SUCLG2: variants seen among roughly 807,000 people sequenced by gnomAD.
SUCLG2 encodes the protein succinate--CoA ligase [GDP-forming] subunit beta, mitochondrial.
Under a neutral mutation model 47.9 loss-of-function variants are expected in SUCLG2, and 42 were observed. The observed-to-expected ratio is 0.88, with a 90% CI of 0.69 to 1.14. SUCLG2 has a LOEUF of 1.14. SUCLG2 is among the 50% of genes most tolerant of loss of function. The pLI is 0.00. For synonymous variants in SUCLG2, 195 were observed against 197.3 expected (o/e 0.99, Z 0.10); for missense variants, 571 against 525.9 (o/e 1.09, Z -0.84).
intron 1 of SUCLG2, among the ~76,000 whole-genome samples, chr3:67,618,855 G>C (rs1055288080): frequency 6.6e-6 from 1 of 152,166 alleles, no homozygotes; most frequent in African/African-American, 2.4e-5. Context: ...TGGATAGCTA[G>C]AGAAGAAAAG....
rs202075657 is a variant in SUCLG2, at chr3:67,587,317, G to GCT, written c.226+22137_226+22138insAG. 1.7e-3 allele frequency among the ~76,000 whole-genome samples: 263 copies of GCT among 152,268 alleles called. 2 individuals carry two copies. In the East Asian group the frequency reaches 0.036, roughly 21 times the overall value. ...TGTTTCTAGCCGTCTGATCTACCTG[G>GCT]AGACAAACAAGGCCAAGCTGGCTTG... On this transcript the variant is annotated intron_variant, in intron 2 of 10. Transcript: ENST00000307227.
At chr3:67,492,246 G>A (rs1705224863) in intron 9 of SUCLG2, among the ~76,000 whole-genome samples, 1 of 152,172 alleles carries the variant, frequency 6.6e-6, no homozygotes, top group African/African-American at 2.4e-5. Flanking sequence ...TTGGGGTCAT[G>A]GAGAGATTCG....
At chr3:67,597,155 A>G (rs1708311730) in intron 2 of SUCLG2, among the ~76,000 whole-genome samples, 1 of 152,214 alleles carries the variant, frequency 6.6e-6, no homozygotes, top group South Asian at 2.1e-4. Context: ...GGCATCAGAC[A>G]GGAGGATCAG....
chr3:67,494,855 T>C (rs1043744409), intron 9 of SUCLG2, among the ~76,000 whole-genome samples: 4 of 152,212 alleles, frequency 2.6e-5, no homozygotes, highest in Non-Finnish European at 4.4e-5. Context: ...CTAAACTAGC[T>C]GATTAAATAT....
chr3:67,535,722 A>G (rs1388363133), intron 2 of SUCLG2, among the ~76,000 whole-genome samples: 4 of 152,174 alleles, frequency 2.6e-5, no homozygotes, highest in Non-Finnish European at 5.9e-5. Context: ...TGGGACAAAC[A>G]GCTGGACACA....
At chr3:67,592,997 T>C (rs1406008735) in intron 2 of SUCLG2, among the ~76,000 whole-genome samples, 2 of 152,186 alleles carry the variant, frequency 1.3e-5, no homozygotes, top group Non-Finnish European at 2.9e-5. Context: ...AGGTAGCCAA[T>C]GAAGGCTATT....
chr3:67,584,293 C>T (rs1364984967), intron 2 of SUCLG2, among the ~76,000 whole-genome samples: 2 of 152,160 alleles, frequency 1.3e-5, no homozygotes, highest in Non-Finnish European at 2.9e-5. Flanking sequence ...GGAAGCTCGA[C>T]ACAAGAGACC....
chr3:67,371,207 G>A (rs1363486480), downstream of SUCLG2, among the ~76,000 whole-genome samples: 1 of 151,930 alleles, frequency 6.6e-6, no homozygotes, highest in Non-Finnish European at 1.5e-5. Flanking sequence ...ACACAAGGGA[G>A]GAACAAGAAC....
At chr3:67,574,320 C>T (rs1405162460) in intron 2 of SUCLG2, among the ~76,000 whole-genome samples, 6 of 152,162 alleles carry the variant, frequency 3.9e-5, no homozygotes, top group Non-Finnish European at 8.8e-5. Flanking sequence ...CCAGGGCTTA[C>T]GACATGGACG....
At chr3:67,468,776 G>A (rs1704534742) in intron 9 of SUCLG2, among the ~76,000 whole-genome samples, 1 of 152,156 alleles carries the variant, frequency 6.6e-6, no homozygotes, top group Non-Finnish European at 1.5e-5. Flanking sequence ...AAGCATGAGA[G>A]GTAGTGATAA....
At chr3:67,648,804 G>A (rs1701236804) in intron 1 of SUCLG2, among the ~76,000 whole-genome samples, 1 of 152,048 alleles carries the variant, frequency 6.6e-6, no homozygotes, top group African/African-American at 2.4e-5. Flanking sequence ...AACTTCTCCT[G>A]TTCCTTACCT....
intron 1 of SUCLG2, among the ~76,000 whole-genome samples, chr3:67,628,036 T>C (rs1264689311): frequency 6.6e-6 from 1 of 152,198 alleles, no homozygotes; most frequent in African/African-American, 2.4e-5. Context: ...AATACTTCTT[T>C]ACTCAATTCT....
intron 6 of SUCLG2, among the ~76,000 whole-genome samples, chr3:67,517,991 C>T (rs1430111640): frequency 1.3e-5 from 2 of 152,160 alleles, no homozygotes; most frequent in African/African-American, 2.4e-5. Flanking sequence ...AGATTACCAT[C>T]TATCATGAAG....
chr3:67,568,004 C>T (rs1331897269), intron 2 of SUCLG2, among the ~76,000 whole-genome samples: 2 of 152,164 alleles, frequency 1.3e-5, no homozygotes, highest in Non-Finnish European at 2.9e-5. Flanking sequence ...AGAATGGCTG[C>T]ACAAATTAAA....
intron 2 of SUCLG2, among the ~76,000 whole-genome samples, chr3:67,588,635 C>G (rs76419382): frequency 0.044 from 6,622 of 152,204 alleles, 477 homozygotes; most frequent in African/African-American, 0.15. Context: ...CAAGAGCATG[C>G]CTGTATTTAT....
intron 2 of SUCLG2, among the ~76,000 whole-genome samples, chr3:67,596,230 C>T (rs61390179): frequency 0.024 from 3,726 of 152,250 alleles, 130 homozygotes; most frequent in African/African-American, 0.079. Context: ...CATCGGAAAA[C>T]ACCTCTCTCT....
At chr3:67,485,967 T>C (rs1218030748) in intron 9 of SUCLG2, among the ~76,000 whole-genome samples, 1 of 152,190 alleles carries the variant, frequency 6.6e-6, no homozygotes, top group African/African-American at 2.4e-5. Context: ...GGGTTTCTGA[T>C]TGTCCTTTCT....
At chr3:67,383,206 T>C (rs994443561) in intron 10 of SUCLG2, among the ~76,000 whole-genome samples, 2 of 152,198 alleles carry the variant, frequency 1.3e-5, no homozygotes, top group Non-Finnish European at 2.9e-5. Context: ...ATAATAAGGA[T>C]AGCTAACATT....
chr3:67,528,122 T>C lies in SUCLG2; in HGVS notation c.417+10A>G, dbSNP rs368985813. On this transcript the variant is annotated intron_variant, in intron 4 of 10. Transcript: ENST00000307227. ...CATATATAGAAAATGACCCAAAGTA[T>C]CCATATTACCTTGTTAACTTTCACA... 1.3e-4 allele frequency: 208 copies of C among 1,609,796 alleles called. 2 individuals carry two copies. Among genetic ancestry groups the C allele is most frequent in the Non-Finnish European group, 1.6e-4 (188 of 1,176,490 alleles).
Sources: allele counts gnomAD v4.1 joint callset (sites outside exome capture counted in the v4.1 genomes callset), GRCh38; gene constraint gnomAD v4.1.1; transcripts MANE v1.5; gene names NCBI Gene and HGNC (gene_info 2026-07-23, HGNC 2026-07-21).